Variants in SGCZ observed in about 807,000 individuals in gnomAD.
SGCZ encodes zeta-sarcoglycan.
Under a neutral mutation model 41.3 loss-of-function variants are expected in SGCZ, and 40 were observed. The ratio of observed to expected loss-of-function variants is 0.97; its 90% confidence interval spans 0.75 to 1.26. The LOEUF is 1.26. Ranked by LOEUF, SGCZ falls within the 50% of genes most tolerant of loss-of-function variation. The pLI, the probability that SGCZ is intolerant of heterozygous loss-of-function variation, is 0.00. For synonymous variants in SGCZ, 206 were observed against 137.5 expected (o/e 1.50, Z -3.49); for missense variants, 552 against 369.8 (o/e 1.49, Z -4.04).
chr8:14,893,772 A>C (rs1432114796), intron 1 of SGCZ, among the ~76,000 whole-genome samples: 1 of 152,204 alleles, frequency 6.6e-6, no homozygotes, highest in Non-Finnish European at 1.5e-5. Flanking sequence ...ACAACATGTT[A>C]AACAATTTTA....
At chr8:14,441,905 C>T (rs980052531) in intron 2 of SGCZ, among the ~76,000 whole-genome samples, 5 of 152,078 alleles carry the variant, frequency 3.3e-5, no homozygotes, top group East Asian at 1.9e-4. Context: ...AATGTTTTTC[C>T]AGTATGATGT....
chr8:14,847,961 A>G (rs1014920042), intron 1 of SGCZ, among the ~76,000 whole-genome samples: 4 of 152,116 alleles, frequency 2.6e-5, no homozygotes, highest in Admixed American at 2.0e-4. Context: ...GTCATTATTC[A>G]TAGACAACAT....
intron 2 of SGCZ, among the ~76,000 whole-genome samples, chr8:14,437,372 A>G (rs1800123130): frequency 6.6e-6 from 1 of 152,162 alleles, no homozygotes. Flanking sequence ...TCTGAAAGCC[A>G]TTCCTTCCTT....
At chr8:14,326,111 C>CAAAAATAAAAAAAAA (rs1802101514) in intron 2 of SGCZ, among the ~76,000 whole-genome samples, 1 of 37,904 alleles carries the variant, frequency 2.6e-5, no homozygotes, top group Admixed American at 5.6e-4. Flanking sequence ...GACTCCGTCT[C>CAAAAATAAAAAAAAA]AAAAAAAAAA....
chr8:15,191,896 T>G (rs1800552571), intron 1 of SGCZ, among the ~76,000 whole-genome samples: 1 of 152,144 alleles, frequency 6.6e-6, no homozygotes, highest in East Asian at 1.9e-4. Context: ...CTACCCACGC[T>G]TAAGGGCTCA....
chr8:14,850,594 ATAAC>A (rs999281838), intron 1 of SGCZ, among the ~76,000 whole-genome samples: 1 of 152,144 alleles, frequency 6.6e-6, no homozygotes, highest in African/African-American at 2.4e-5. Context: ...AGGAACTAAA[ATAAC>A]TAAGTGAAAA....
chr8:14,219,809 G>C (rs947725191), intron 4 of SGCZ, among the ~76,000 whole-genome samples: 5 of 151,262 alleles, frequency 3.3e-5, no homozygotes, highest in Middle Eastern at 3.5e-3. Context: ...ATATTCACCT[G>C]ACCTCTTGCC....
chr8:15,213,306 AG>A (rs1286487303), intron 1 of SGCZ, among the ~76,000 whole-genome samples: 13 of 152,100 alleles, frequency 8.5e-5, no homozygotes, highest in African/African-American at 3.1e-4. Context: ...TTTTATAAAA[AG>A]TAACAACTAA....
rs144652359 is a variant in SGCZ, at chr8:14,375,238, G to C, written c.235-51034C>G. 1.6e-3 allele frequency among the ~76,000 whole-genome samples: 244 copies of C among 152,322 alleles called. 2 individuals carry two copies. Among genetic ancestry groups the C allele is most frequent in the African/African-American group, 5.2e-3 (215 of 41,584 alleles). The stretch of plus-strand genomic sequence containing the variant: ...TACAATTCACAATGGAGATATAACA[G>C]TTGTGCACTGAATAATACGGTAGCT... On this transcript the variant is annotated intron_variant, in intron 2 of 7. Transcript: ENST00000382080.
At chr8:14,178,058 A>G (rs1360093219) in intron 4 of SGCZ, among the ~76,000 whole-genome samples, 1 of 143,208 alleles carries the variant, frequency 7.0e-6, no homozygotes, top group Non-Finnish European at 1.5e-5. Flanking sequence ...CCTGGGTTCA[A>G]GGGACTCTCG....
intron 1 of SGCZ, among the ~76,000 whole-genome samples, chr8:15,235,111 C>T (rs551377398): frequency 2.1e-4 from 32 of 152,056 alleles, no homozygotes; most frequent in Non-Finnish European, 3.2e-4. Context: ...CTGATCACAC[C>T]GGGAGGCTCT....
rs1806409170 is a variant in SGCZ, at chr8:14,625,069, CAT to C, written c.40-70145_40-70144del. On this transcript the variant is annotated intron_variant, in intron 1 of 7. Transcript: ENST00000382080. ...TTTAATATGTGTCTTAATAAACATA[CAT>C]GTTTCCCCTGTTGTCATCTTATTTG... is the stretch of plus-strand genomic sequence containing the variant. 2.6e-5 allele frequency among the ~76,000 whole-genome samples: 4 copies of C among 152,166 alleles called. No homozygotes were observed. The South Asian group carries it at 8.3e-4, about 32-fold the overall frequency.
intron 2 of SGCZ, among the ~76,000 whole-genome samples, chr8:14,365,287 T>G (rs7824519): frequency 0.36 from 55,349 of 151,868 alleles, 11,039 homozygotes; most frequent in African/African-American, 0.54. Context: ...TCCACTTTTG[T>G]CCATTTCACT....
intron 1 of SGCZ, among the ~76,000 whole-genome samples, chr8:14,745,327 G>T (rs1362520348): frequency 6.6e-6 from 1 of 152,062 alleles, no homozygotes; most frequent in African/African-American, 2.4e-5. Flanking sequence ...GATTTCAGTG[G>T]GTCAACCTAA....
chr8:14,551,186 T>C (rs1168906838), intron 2 of SGCZ, among the ~76,000 whole-genome samples: 4 of 149,548 alleles, frequency 2.7e-5, no homozygotes, highest in African/African-American at 9.8e-5. Context: ...GTTGGTACTT[T>C]TGTTCTTAAA....
At chr8:14,380,237 G>T (rs1804307952) in intron 2 of SGCZ, among the ~76,000 whole-genome samples, 1 of 152,122 alleles carries the variant, frequency 6.6e-6, no homozygotes, top group African/African-American at 2.4e-5. Flanking sequence ...ATAGGTTTTG[G>T]TTATTATAGT....
At chr8:14,495,872 G>A (rs7009793) in intron 2 of SGCZ, among the ~76,000 whole-genome samples, 152,133 of 152,254 alleles carry the variant, frequency 1, 76,006 homozygotes, top group Non-Finnish European at 1. Context: ...AGCCCTTCCT[G>A]GGTGATCACA....
intron 2 of SGCZ, among the ~76,000 whole-genome samples, chr8:14,461,789 T>C (rs1800909035): frequency 6.6e-6 from 1 of 152,242 alleles, no homozygotes; most frequent in African/African-American, 2.4e-5. Context: ...ATTTCACTTC[T>C]TATAAAAAAA....
intron 1 of SGCZ, among the ~76,000 whole-genome samples, chr8:14,689,269 T>C (rs186921996): frequency 3.5e-4 from 54 of 152,208 alleles, no homozygotes; most frequent in African/African-American, 1.3e-3. Context: ...TTGAATAACT[T>C]AAATAAGCAG....
Sources: allele counts gnomAD v4.1 joint callset (sites outside exome capture counted in the v4.1 genomes callset), GRCh38; gene constraint gnomAD v4.1.1; transcripts MANE v1.5; gene names NCBI Gene and HGNC (gene_info 2026-07-23, HGNC 2026-07-21).